Variants in STXBP3 observed in about 807,000 individuals in gnomAD.
STXBP3 encodes syntaxin binding protein 3.
A neutral mutation model predicts 85.7 loss-of-function variants in STXBP3; 41 were observed. The observed-to-expected ratio is 0.48, with a 90% CI of 0.37 to 0.62. STXBP3 has a LOEUF of 0.62. Among genes scored for constraint, STXBP3 ranks in the 20% least tolerant of loss-of-function variants. The pLI is 0.00. For missense variants in STXBP3, 563 were observed against 703.1 expected, an observed-to-expected ratio of 0.80 and a Z score of 2.25; for synonymous variants, 229 against 231.7, an observed-to-expected ratio of 0.99 and a Z score of 0.10.
Position 108,791,721 on chromosome 1 carries a change from C to T in STXBP3, c.964-1861C>T, listed in dbSNP as rs1662979354. Among the ~76,000 whole-genome samples the T allele has an allele frequency of 2.0e-5, 3 of 152,066 alleles. No homozygotes were observed. The South Asian group carries it at 6.2e-4, about 31-fold the overall frequency. On this transcript the variant is annotated intron_variant, in intron 11 of 18. Coordinates refer to ENST00000370008, the MANE Select transcript of STXBP3 (RefSeq NM_007269.4). ...AGTTCTGTGAGTTTTGACAAATGCA[C>T]ACTCTCATATAACCACTACCACAAT...
chr1:108,747,202 C>G (rs1481645762), intron 1 of STXBP3, among the ~76,000 whole-genome samples: 1 of 151,548 alleles, frequency 6.6e-6, no homozygotes, highest in Non-Finnish European at 1.5e-5. Context: ...TTTATTCCGC[C>G]CCCATCTCCA....
intron 6 of STXBP3, among the ~76,000 whole-genome samples, 188 bp from the exon 7 acceptor site, chr1:108,772,460 CATATATCTATCTGTATA>C: frequency 7.0e-6 from 1 of 141,882 alleles, no homozygotes; most frequent in South Asian, 2.2e-4. Flanking sequence ...TATATAAATA[CATATATCTATCTGTATA>C]ATATATAAAT....
chr1:108,790,624 T>C (rs971136839), intron 11 of STXBP3, among the ~76,000 whole-genome samples: 3 of 152,050 alleles, frequency 2.0e-5, no homozygotes. Flanking sequence ...CTTCATTTTT[T>C]ATATTCTATT....
intron 11 of STXBP3, among the ~76,000 whole-genome samples, chr1:108,789,177 T>C (rs1299711878): frequency 6.6e-6 from 1 of 152,268 alleles, no homozygotes; most frequent in Non-Finnish European, 1.5e-5. Flanking sequence ...TGATTTTTAC[T>C]CAGTTTTATT....
chr1:108,803,278 A>G lies in STXBP3; in HGVS notation c.1535+2973A>G, dbSNP rs533247066. ...ACCTTAGACCAACTGGATGTAAACCATGCACCCCTTAAATGTTATAATACT... is the reference window on the plus strand; with the variant it reads ...ACCTTAGACCAACTGGATGTAAACCGTGCACCCCTTAAATGTTATAATACT... On this transcript the variant is annotated intron_variant, in intron 17 of 18. Coordinates refer to ENST00000370008, the MANE Select transcript of STXBP3 (RefSeq NM_007269.4). 3.9e-4 allele frequency among the ~76,000 whole-genome samples: 59 copies of G among 152,310 alleles called. 1 individual carries two copies. Among genetic ancestry groups the G allele is most frequent in the Non-Finnish European group, 6.6e-4 (45 of 68,024 alleles).
rs1570780039 is a variant in STXBP3 at position 108,809,049 on chromosome 1, A to C, written c.*172A>C. The C allele has an allele frequency of 1.9e-6, 1 of 522,492 alleles. No individual in the cohort carries two copies. Among genetic ancestry groups the C allele is most frequent in the Non-Finnish European group, 3.3e-6 (1 of 303,666 alleles). 32.4% of individuals were successfully genotyped at this position (522,492 alleles called of 1,614,324 possible). On this transcript the variant is annotated 3_prime_UTR_variant, in exon 19 of 19. Coordinates refer to ENST00000370008, the MANE Select transcript of STXBP3 (RefSeq NM_007269.4). ...TATTACTGGATTTGTCATTTTTGAT[A>C]ATTTAAATATTGCTGCTGCTTTGTA... is the stretch of plus-strand genomic sequence containing the variant.
At chr1:108,759,135 A>T (rs539861780) in intron 5 of STXBP3, 1 of 152,218 alleles carries the variant, frequency 6.6e-6, no homozygotes, top group African/African-American at 2.4e-5. Context: ...ATTCTGTCTT[A>T]TGTTACATGT....
chr1:108,790,496 G>A (rs1372391839), intron 11 of STXBP3, among the ~76,000 whole-genome samples: 1 of 151,714 alleles, frequency 6.6e-6, no homozygotes. Flanking sequence ...AGAGCTTGTA[G>A]TTGAATTTTG....
intron 8 of STXBP3, among the ~76,000 whole-genome samples, chr1:108,778,486 C>T (rs1662635781): frequency 6.6e-6 from 1 of 152,158 alleles, no homozygotes; most frequent in South Asian, 2.1e-4. Flanking sequence ...AGCAAACCTG[C>T]ATTTGAATCT....
intron 18 of STXBP3, 122 bp downstream of exon 18, chr1:108,807,671 G>A (rs2101141750): frequency 1.1e-6 from 1 of 948,740 alleles, no homozygotes; most frequent in South Asian, 1.7e-5. Context: ...CCGCCTCCCA[G>A]GTTCAAGCGA....
chr1:108,755,894 A>G (rs1344999639), intron 3 of STXBP3, among the ~76,000 whole-genome samples: 2 of 152,204 alleles, frequency 1.3e-5, no homozygotes, highest in Non-Finnish European at 2.9e-5. Context: ...TTTAGGAATG[A>G]GAAAAGGAAA....
At chr1:108,796,780 T>G in intron 15 of STXBP3, 54 bp downstream of exon 15, 1 of 1,403,212 alleles carries the variant, frequency 7.1e-7, no homozygotes, top group Non-Finnish European at 9.6e-7. Context: ...TGTATGGTTG[T>G]ATGTATTAAC....
chr1:108,770,677 T>TA (rs1435260639), intron 6 of STXBP3, among the ~76,000 whole-genome samples: 1 of 152,240 alleles, frequency 6.6e-6, no homozygotes, highest in Non-Finnish European at 1.5e-5. Flanking sequence ...TACTTTCACT[T>TA]ACAATAAATT....
At chr1:108,774,646 T>C (rs1227559672) in intron 7 of STXBP3, among the ~76,000 whole-genome samples, 1 of 145,596 alleles carries the variant, frequency 6.9e-6, no homozygotes, top group Non-Finnish European at 1.5e-5. Flanking sequence ...TTTCCTTTTT[T>C]TTTTTTTTTT....
intron 13 of STXBP3, 53 bp downstream of exon 13, chr1:108,794,960 T>A: frequency 6.7e-7 from 1 of 1,490,006 alleles, no homozygotes. Context: ...AAGGATAAAC[T>A]TTGTAAGTTA....
intron 11 of STXBP3, among the ~76,000 whole-genome samples, chr1:108,792,604 C>G (rs1428593113): frequency 6.6e-6 from 1 of 152,088 alleles, no homozygotes; most frequent in Non-Finnish European, 1.5e-5. Flanking sequence ...AGAACTTATT[C>G]CTTATCTTGG....
chr1:108,759,585 C>G (rs1440307207), intron 5 of STXBP3, among the ~76,000 whole-genome samples: 3 of 151,992 alleles, frequency 2.0e-5, no homozygotes, highest in Admixed American at 6.6e-5. Flanking sequence ...AAAAATTAAC[C>G]ATTTGTGTTG....
intron 6 of STXBP3, among the ~76,000 whole-genome samples, chr1:108,760,868 A>G (rs1031573463): frequency 6.6e-6 from 1 of 152,008 alleles, no homozygotes; most frequent in Non-Finnish European, 1.5e-5. Flanking sequence ...GATTTCTACT[A>G]TATTACTTTT....
intron 3 of STXBP3, among the ~76,000 whole-genome samples, chr1:108,753,531 G>A (rs1167265987): frequency 6.6e-6 from 1 of 151,920 alleles, no homozygotes; most frequent in Non-Finnish European, 1.5e-5. Context: ...ATCAGCTGTT[G>A]TACATGTTTA....
Sources: allele counts gnomAD v4.1 joint callset (sites outside exome capture counted in the v4.1 genomes callset), GRCh38; gene constraint gnomAD v4.1.1; transcripts MANE v1.5; gene names NCBI Gene and HGNC (gene_info 2026-07-23, HGNC 2026-07-21).